Variants in ACYP2 observed in about 807,000 individuals in gnomAD.
ACYP2 encodes acylphosphatase-2.
In ACYP2, 12 loss-of-function variants were observed where a neutral mutation model predicts 11.2. The observed-to-expected ratio is 1.08, with a 90% confidence interval of 0.69 to 1.74. The LOEUF is 1.74. Among genes scored for constraint, ACYP2 ranks in the 40% most tolerant of loss-of-function variants. The pLI, the probability that ACYP2 is intolerant of heterozygous loss-of-function variation, is 0.00. For synonymous variants in ACYP2, 43 were observed against 32.2 expected, an observed-to-expected ratio of 1.33 and a Z score of -1.13; for missense variants, 134 against 101.9, an observed-to-expected ratio of 1.31 and a Z score of -1.35.
rs764097556 is a variant in ACYP2, at chr2:54,304,676, G to GT, written c.405-5dup. 1.6e-5 allele frequency: 26 copies of GT among 1,588,756 alleles called. No individual in the cohort carries two copies. Among genetic ancestry groups the GT allele is most frequent in the East Asian group, 6.7e-5 (3 of 44,638 alleles). ...GTATGCTAATTTTATTTATTTATCT[G>GT]TTTTTTTATAGGAAGTCCTGGCTGA... On this transcript the variant is annotated splice_polypyrimidine_tract_variant and intron_variant, in intron 6 of 6. Coordinates refer to ENST00000607452, the MANE Select transcript of ACYP2 (RefSeq NM_001320586.2).
intron 2 of ACYP2, among the ~76,000 whole-genome samples, chr2:54,039,001 T>C (rs1352641290): frequency 3.3e-5 from 5 of 151,636 alleles, no homozygotes; most frequent in Non-Finnish European, 7.4e-5. Flanking sequence ...GAGTCATATC[T>C]GGGGGAAGAA....
chr2:54,283,878 G>A (rs1052991225), intron 6 of ACYP2, among the ~76,000 whole-genome samples: 5 of 152,198 alleles, frequency 3.3e-5, no homozygotes, highest in African/African-American at 9.7e-5. Context: ...ACTTTGGGAG[G>A]CCAAGGCGAG....
At chr2:54,084,377 C>G (rs1677832880) in intron 4 of ACYP2, among the ~76,000 whole-genome samples, 1 of 152,204 alleles carries the variant, frequency 6.6e-6, no homozygotes, top group Non-Finnish European at 1.5e-5. Context: ...TCACTGCAAC[C>G]TCTGTCTCCC....
At chr2:54,218,176 A>C (rs1451335116) in intron 6 of ACYP2, among the ~76,000 whole-genome samples, 1 of 152,172 alleles carries the variant, frequency 6.6e-6, no homozygotes, top group African/African-American at 2.4e-5. Flanking sequence ...GTTCTTCATT[A>C]AAGGTAGAAT....
intron 2 of ACYP2, among the ~76,000 whole-genome samples, chr2:53,999,109 C>T (rs185533324): frequency 6.0e-4 from 91 of 152,230 alleles, no homozygotes; most frequent in African/African-American, 1.9e-3. Flanking sequence ...ATTATCTCTG[C>T]TACATAAAGG....
intron 6 of ACYP2, among the ~76,000 whole-genome samples, chr2:54,244,994 G>T (rs1048964749): frequency 6.6e-6 from 1 of 152,130 alleles, no homozygotes; most frequent in African/African-American, 2.4e-5. Context: ...CTGTACAGCT[G>T]TAATTTTGTG....
At chr2:54,053,476 A>G (rs1417000571) in intron 3 of ACYP2, among the ~76,000 whole-genome samples, 1 of 152,144 alleles carries the variant, frequency 6.6e-6, no homozygotes, top group Non-Finnish European at 1.5e-5. Context: ...GGTCCTAGAT[A>G]TCCTGACACA....
intron 4 of ACYP2, among the ~76,000 whole-genome samples, chr2:54,100,367 A>C (rs923729163): frequency 6.1e-5 from 9 of 148,364 alleles, no homozygotes; most frequent in Non-Finnish European, 1.3e-4. Context: ...GAGTGGCATG[A>C]TCACGGCTCA....
At chr2:54,124,021 G>A (rs983598619) in intron 4 of ACYP2, among the ~76,000 whole-genome samples, 6 of 152,108 alleles carry the variant, frequency 3.9e-5, no homozygotes, top group Admixed American at 2.0e-4. Flanking sequence ...TGTCACAGTC[G>A]TTCATATATT....
intron 4 of ACYP2, among the ~76,000 whole-genome samples, chr2:54,073,789 TG>T (rs1272229722): frequency 1.3e-5 from 2 of 152,232 alleles, no homozygotes; most frequent in Admixed American, 1.3e-4. Context: ...GCTTGATGTC[TG>T]ATGTCATTCA....
chr2:53,986,264 G>T (rs1672030746), intron 2 of ACYP2, among the ~76,000 whole-genome samples: 2 of 151,964 alleles, frequency 1.3e-5, no homozygotes, highest in Non-Finnish European at 2.9e-5. Context: ...AGTGGAAACA[G>T]CCTGAAGCTC....
chr2:54,292,421 C>T (rs777170885), intron 6 of ACYP2, among the ~76,000 whole-genome samples: 4 of 151,978 alleles, frequency 2.6e-5, no homozygotes, highest in Non-Finnish European at 4.4e-5. Flanking sequence ...AAAAAGATCT[C>T]ATTGATTTTA....
intron 6 of ACYP2, among the ~76,000 whole-genome samples, chr2:54,240,854 C>A (rs937240559): frequency 2.6e-5 from 4 of 152,138 alleles, no homozygotes; most frequent in Non-Finnish European, 5.9e-5. Context: ...AAATAAGGTC[C>A]CTTTCACCTT....
chr2:53,978,056 G>A (rs144215372), intron 2 of ACYP2, among the ~76,000 whole-genome samples: 27 of 152,168 alleles, frequency 1.8e-4, no homozygotes, highest in African/African-American at 4.3e-4. Context: ...GAGGTCAGGA[G>A]TTCGAGATCA....
chr2:54,116,643 T>C (rs1324161844), intron 4 of ACYP2, among the ~76,000 whole-genome samples: 2 of 152,138 alleles, frequency 1.3e-5, no homozygotes, highest in African/African-American at 4.8e-5. Flanking sequence ...TGCTGGTTCT[T>C]TGGTGCCAAA....
At chr2:54,256,429 G>A (rs1687538641) in intron 6 of ACYP2, among the ~76,000 whole-genome samples, 1 of 152,128 alleles carries the variant, frequency 6.6e-6, no homozygotes, top group Admixed American at 6.5e-5. Context: ...AATGAGCTGA[G>A]AACCTTCTCA....
At chr2:54,049,023 C>T (rs1675682372) in intron 2 of ACYP2, among the ~76,000 whole-genome samples, 1 of 152,092 alleles carries the variant, frequency 6.6e-6, no homozygotes, top group Non-Finnish European at 1.5e-5. Flanking sequence ...ACCTGTAATT[C>T]CAGCACTTTG....
intron 6 of ACYP2, among the ~76,000 whole-genome samples, chr2:54,139,921 A>C (rs571448017): frequency 5.9e-5 from 9 of 152,240 alleles, no homozygotes; most frequent in Admixed American, 1.3e-4. Flanking sequence ...CCGAAATAGA[A>C]TACCTTGTGC....
chr2:54,023,652 C>G (rs912724436), intron 2 of ACYP2, among the ~76,000 whole-genome samples: 2 of 152,078 alleles, frequency 1.3e-5, no homozygotes, highest in African/African-American at 2.4e-5. Flanking sequence ...CATTTATACA[C>G]CATTTTTGGG....
Sources: gnomAD v4.1 joint callset for allele counts (sites outside exome capture counted in the v4.1 genomes callset) on GRCh38, gnomAD v4.1.1 for gene constraint, MANE v1.5 for transcripts, NCBI Gene and HGNC (gene_info 2026-07-23, HGNC 2026-07-21) for gene names.